DOCK5: variants seen among roughly 807,000 people sequenced by gnomAD.
DOCK5 encodes dedicator of cytokinesis 5.
DOCK5 carries 142 observed loss-of-function variants against 251.8 expected under a neutral mutation model. The ratio of observed to expected loss-of-function variants is 0.56; its 90% CI spans 0.49 to 0.65. DOCK5 has a LOEUF of 0.65. DOCK5 is among the 30% of genes least tolerant of loss of function. DOCK5 has a pLI of 0.00. For synonymous variants in DOCK5, 842 were observed against 835.5 expected, an observed-to-expected ratio of 1.01 and a Z score of -0.13; for missense variants, 2,111 against 2,312.3, an observed-to-expected ratio of 0.91 and a Z score of 1.79.
intron 35 of DOCK5, 70 bp downstream of exon 35, chr8:25,372,788 T>G: frequency 1.4e-5 from 20 of 1,464,236 alleles, no homozygotes; most frequent in South Asian, 2.9e-5. Context: ...AGCTCAGCTC[T>G]AGGTAGATCC....
At chr8:25,360,866 A>C (rs915491243) in intron 28 of DOCK5, among the ~76,000 whole-genome samples, 2 of 152,208 alleles carry the variant, frequency 1.3e-5, no homozygotes, top group Non-Finnish European at 2.9e-5. Context: ...TCCATTGTTA[A>C]GTAAGAAAAA....
chr8:25,254,161 T>A (rs1586268084), intron 2 of DOCK5, among the ~76,000 whole-genome samples: 1 of 152,296 alleles, frequency 6.6e-6, no homozygotes, highest in South Asian at 2.1e-4. Context: ...TAACAAATCG[T>A]GCTGGAACAA....
chr8:25,374,022 T>C (rs926928603), intron 36 of DOCK5, among the ~76,000 whole-genome samples: 2 of 152,166 alleles, frequency 1.3e-5, no homozygotes, highest in South Asian at 2.1e-4. Context: ...GTGCATGTTG[T>C]TGGGGAGAGA....
chr8:25,410,042 C>T, intron 50 of DOCK5, 57 bp from the exon 51 acceptor site: 1 of 1,450,988 alleles, frequency 6.9e-7, no homozygotes, highest in Non-Finnish European at 9.5e-7. Flanking sequence ...GCAACATTTC[C>T]ATGAGCTTCC....
chr8:25,253,863 C>G (rs1314085162), intron 2 of DOCK5, among the ~76,000 whole-genome samples: 1 of 152,164 alleles, frequency 6.6e-6, no homozygotes, highest in Non-Finnish European at 1.5e-5. Context: ...ATTAAAATCC[C>G]AGACAGTTAT....
chr8:25,192,528 T>G (rs1312667244), intron 1 of DOCK5, among the ~76,000 whole-genome samples: 2 of 152,182 alleles, frequency 1.3e-5, no homozygotes, highest in Admixed American at 6.5e-5. Flanking sequence ...TTTTAAGAGA[T>G]AGGGTCTCAC....
At chr8:25,370,408 C>T (rs1800852535) in intron 34 of DOCK5, among the ~76,000 whole-genome samples, 1 of 152,184 alleles carries the variant, frequency 6.6e-6, no homozygotes, top group East Asian at 1.9e-4. Context: ...ATGAGAATTA[C>T]AGGAGATGAT....
chr8:25,243,329 A>C (rs73558459), intron 1 of DOCK5, among the ~76,000 whole-genome samples: 4,552 of 147,922 alleles, frequency 0.031, 78 homozygotes, highest in South Asian at 0.055. Context: ...TGTGACATGC[A>C]TTCTTTTTTT....
In DOCK5 at chr8:25,414,085, T is replaced by C. The variant is rs1801673185; in HGVS notation, c.*2787T>C. Reference sequence around the variant, plus strand: ...AAATTGTCACAACTTTTGTGAATACTGGTATACGGTTGGAGGTGTTTTTAA... The same window carrying C: ...AAATTGTCACAACTTTTGTGAATACCGGTATACGGTTGGAGGTGTTTTTAA... On this transcript the variant is annotated 3_prime_UTR_variant, in exon 52 of 52. Coordinates refer to ENST00000276440, the MANE Select transcript of DOCK5 (RefSeq NM_024940.8). 6.6e-6 allele frequency: 1 copy of C among 152,252 alleles called. No homozygotes were observed. Among genetic ancestry groups the C allele is most frequent in the Non-Finnish European group, 1.5e-5 (1 of 68,048 alleles). The allele number at this position is 152,252 out of a possible 1,614,324, so 9.4% of individuals were successfully genotyped here. A position where few individuals can be genotyped will look rare whatever the true frequency, so the allele number is the denominator to read the frequency against.
intron 3 of DOCK5, 108 bp downstream of exon 3, chr8:25,268,993 G>C: frequency 1.0e-6 from 1 of 991,734 alleles, no homozygotes; most frequent in Non-Finnish European, 1.5e-6. Flanking sequence ...GACCTAGTTT[G>C]CTTTCTCTTT....
At chr8:25,345,303 T>G in intron 25 of DOCK5, 172 bp from the exon 26 acceptor site, 1 of 675,748 alleles carries the variant, frequency 1.5e-6, no homozygotes, top group Non-Finnish European at 2.4e-6. Context: ...AAGGGTAAAG[T>G]TCCGTGCCTA....
At chr8:25,335,006 C>T (rs1261460047) in intron 21 of DOCK5, among the ~76,000 whole-genome samples, 2 of 152,164 alleles carry the variant, frequency 1.3e-5, no homozygotes, top group African/African-American at 2.4e-5. Flanking sequence ...TTTATGGGCC[C>T]CTGACTAAGG....
At chr8:25,329,107 C>G (rs1272993406) in intron 18 of DOCK5, among the ~76,000 whole-genome samples, 1 of 152,106 alleles carries the variant, frequency 6.6e-6, no homozygotes, top group Non-Finnish European at 1.5e-5. Context: ...TCTTTCTTTT[C>G]TCTTTAAAAG....
intron 1 of DOCK5, among the ~76,000 whole-genome samples, chr8:25,226,802 G>A (rs1008536268): frequency 3.9e-5 from 6 of 152,010 alleles, no homozygotes; most frequent in African/African-American, 1.4e-4. Context: ...AGCCAAGATG[G>A]TCTCGATCTC....
At chr8:25,281,253 C>A (rs1022646773) in intron 5 of DOCK5, among the ~76,000 whole-genome samples, 9 of 151,380 alleles carry the variant, frequency 5.9e-5, no homozygotes, top group Non-Finnish European at 1.5e-5. Flanking sequence ...TATGGTAAAA[C>A]CCCTTCTCTA....
At chr8:25,272,776 G>T (rs578069596) in intron 3 of DOCK5, among the ~76,000 whole-genome samples, 8 of 152,064 alleles carry the variant, frequency 5.3e-5, no homozygotes, top group Non-Finnish European at 8.8e-5. Context: ...CATTCTCATT[G>T]TTGTGCAACC....
At chr8:25,366,014 A>G (rs767081343) in intron 30 of DOCK5, among the ~76,000 whole-genome samples, 41 of 152,298 alleles carry the variant, frequency 2.7e-4, no homozygotes, top group African/African-American at 7.0e-4. Flanking sequence ...TCCTTTTTCA[A>G]TGATCTGTGA....
At chr8:25,382,546 AG>A (rs1801086048) in intron 39 of DOCK5, 127 bp from the exon 40 acceptor site, 4 of 721,404 alleles carry the variant, frequency 5.5e-6, no homozygotes, top group Non-Finnish European at 9.4e-6. Context: ...TTCTGCCCAT[AG>A]GGTGTTTTCC....
chr8:25,363,045 A>G lies in DOCK5; in HGVS notation c.2950-2A>G. On this transcript the variant is annotated splice_acceptor_variant, in intron 28 of 51. Coordinates refer to ENST00000276440, the MANE Select transcript of DOCK5 (RefSeq NM_024940.8). LOFTEE classifies it high-confidence loss of function. ...CCCCAACCACTCCTCTGTTCTCCGC[A>G]GGACTTCCTCATGGAAACTTTTATC... 1 of 1,613,496 alleles carries G rather than the reference A, an allele frequency of 6.2e-7. No homozygotes were observed.
Sources: allele counts gnomAD v4.1 joint callset (sites outside exome capture counted in the v4.1 genomes callset), GRCh38; gene constraint gnomAD v4.1.1; transcripts MANE v1.5; gene names NCBI Gene and HGNC (gene_info 2026-07-23, HGNC 2026-07-21).